Variants in USP47 observed in about 807,000 individuals in gnomAD.
USP47 encodes the protein ubiquitin carboxyl-terminal hydrolase 47.
In USP47, 35 loss-of-function variants were observed where a neutral mutation model predicts 165.1. The observed-to-expected ratio is 0.21, with a 90% confidence interval of 0.16 to 0.28. The LOEUF is 0.28. Among genes scored for constraint, USP47 ranks in the 10% least tolerant of loss-of-function variants. The pLI, the probability that USP47 is intolerant of heterozygous loss-of-function variation, is 1.00. For synonymous variants in USP47, 531 were observed against 544.5 expected, an observed-to-expected ratio of 0.98 and a Z score of 0.35; for missense variants, 1,277 against 1,607.4, an observed-to-expected ratio of 0.79 and a Z score of 3.52.
intron 2 of USP47, among the ~76,000 whole-genome samples, chr11:11,882,106 G>A (rs1252237979): frequency 6.6e-6 from 1 of 152,118 alleles, no homozygotes; most frequent in African/African-American, 2.4e-5. Flanking sequence ...TAAAGTTGTA[G>A]CACTTATGTC....
Position 11,902,952 on chromosome 11 carries a change from T to A in USP47, c.739+92T>A, listed in dbSNP as rs949135430. 5.3e-6 allele frequency: 7 copies of A among 1,319,866 alleles called. No homozygotes were observed. The Admixed American group carries it at 1.9e-4, about 35-fold the overall frequency. 81.8% of individuals were successfully genotyped at this position (1,319,866 alleles called of 1,614,324 possible). On this transcript the variant is annotated intron_variant, in intron 6 of 27. Coordinates refer to ENST00000527733, the MANE Select transcript of USP47 (RefSeq NM_001282659.2). The stretch of plus-strand genomic sequence containing the variant: ...CAAACACATTACACATAATTACCTT[T>A]ATCTTAAACCTTTCATTGCAAGTTT...
intron 1 of USP47, among the ~76,000 whole-genome samples, chr11:11,879,408 A>G (rs1156568534): frequency 6.6e-6 from 1 of 152,100 alleles, no homozygotes; most frequent in Non-Finnish European, 1.5e-5. Context: ...CCAATAAAGT[A>G]TCTTTGATGT....
At chr11:11,954,825 G>A (rs1031986248) in intron 25 of USP47, 72 bp from the exon 26 acceptor site, 2 of 1,538,506 alleles carry the variant, frequency 1.3e-6, no homozygotes, top group Admixed American at 1.8e-5. Context: ...TGTTTGTGGG[G>A]TAAAAGGAAA....
intron 1 of USP47, among the ~76,000 whole-genome samples, chr11:11,877,833 G>C (rs1428043063): frequency 3.5e-5 from 3 of 84,608 alleles, no homozygotes; most frequent in African/African-American, 9.0e-5. Flanking sequence ...GTGTGTGTGT[G>C]TGTGTGTGTG....
chr11:11,866,513 G>A (rs1273681586), intron 1 of USP47, among the ~76,000 whole-genome samples: 2 of 152,168 alleles, frequency 1.3e-5, no homozygotes, highest in Non-Finnish European at 2.9e-5. Context: ...TGATGAACAT[G>A]ATTATGGTAC....
intron 14 of USP47, 21 bp from the exon 15 acceptor site, chr11:11,932,983 T>C (rs1465697393): frequency 4.4e-6 from 7 of 1,592,010 alleles, no homozygotes; most frequent in South Asian, 1.1e-5. Context: ...CACTGTCTTA[T>C]CCTGTTTTTA....
Position 11,883,459 on chromosome 11 carries a change from A to G in USP47, c.244-1008A>G, listed in dbSNP as rs79960685. On this transcript the variant is annotated intron_variant, in intron 2 of 27. Coordinates refer to ENST00000527733, the MANE Select transcript of USP47 (RefSeq NM_001282659.2). ...GAAATAACTTTCCAAAGTCACACAG[A>G]TAGTAAGTAGCAGAATCTCTTACAG... Among the ~76,000 whole-genome samples, 305 of 152,326 alleles carry G rather than the reference A, an allele frequency of 2.0e-3. 2 individuals are homozygous for G. The highest frequency in any genetic ancestry group is 7.0e-3 in the African/African-American group (292 of 41,578).
intron 16 of USP47, among the ~76,000 whole-genome samples, chr11:11,936,090 G>A (rs1362103251): frequency 1.3e-5 from 2 of 151,600 alleles, no homozygotes; most frequent in African/African-American, 4.8e-5. Context: ...TTATATGATT[G>A]GAGGGATAAT....
chr11:11,907,358 G>A (rs997838659), intron 8 of USP47, among the ~76,000 whole-genome samples: 2 of 152,124 alleles, frequency 1.3e-5, no homozygotes, highest in African/African-American at 4.8e-5. Context: ...TAGGGCTTGC[G>A]GAAGAGAACT....
intron 2 of USP47, 81 bp downstream of exon 2, chr11:11,880,461 G>T (rs1850755766): frequency 9.0e-7 from 1 of 1,115,180 alleles, no homozygotes. Flanking sequence ...TTAAATCCTG[G>T]AACTCTTAAA....
chr11:11,919,977 C>A (rs1479159410), intron 8 of USP47, among the ~76,000 whole-genome samples, 179 bp from the exon 9 acceptor site: 3 of 151,468 alleles, frequency 2.0e-5, no homozygotes, highest in Non-Finnish European at 4.4e-5. Context: ...ATTTTTTTTG[C>A]TTAATTTTTA....
intron 1 of USP47, among the ~76,000 whole-genome samples, chr11:11,850,992 A>G (rs534828169): frequency 2.6e-5 from 4 of 152,348 alleles, no homozygotes. Context: ...GTCACCATCC[A>G]AAGATCCCAC....
chr11:11,930,568 G>A, intron 13 of USP47, 128 bp from the exon 14 acceptor site: 1 of 724,090 alleles, frequency 1.4e-6, no homozygotes, highest in Non-Finnish European at 2.3e-6. Flanking sequence ...ATCTCAGTGT[G>A]TCTGTGAACA....
At position 11,929,499 on chromosome 11, in the gene USP47, T is replaced by C. The variant is rs190706361; in HGVS notation, c.1452T>C (p.Tyr484=). The change falls in exon 12 of 28, where the codon TAT becomes TAC. Residue 484 remains tyrosine (Y), a synonymous_variant. Transcript: ENST00000527733. ...CTGGGAGCGCTGCTGGTGGTCATTA[T>C]TATGCATGTATAAAGTCATTCAGTG... ...VHSGSAAGGH[Y]YACIKSFSDE... 1,942 of 1,613,438 alleles carry C rather than the reference T, an allele frequency of 1.2e-3. 3 individuals are homozygous for C. The highest frequency in any genetic ancestry group is 1.5e-3 in the Non-Finnish European group (1,726 of 1,179,468).
chr11:11,858,419 T>C (rs1397155170), intron 1 of USP47, among the ~76,000 whole-genome samples: 1 of 152,190 alleles, frequency 6.6e-6, no homozygotes, highest in African/African-American at 2.4e-5. Flanking sequence ...AAATTCATCC[T>C]TTTAAGGCAT....
intron 1 of USP47, among the ~76,000 whole-genome samples, chr11:11,846,192 G>A (rs1848416841): frequency 6.6e-6 from 1 of 152,042 alleles, no homozygotes; most frequent in Non-Finnish European, 1.5e-5. Flanking sequence ...CTGCTTTGAG[G>A]TCTCTTTTAA....
intron 11 of USP47, 21 bp from the exon 12 acceptor site, chr11:11,929,413 A>C (rs1854490607): frequency 6.2e-7 from 1 of 1,609,026 alleles, no homozygotes; most frequent in Non-Finnish European, 8.5e-7. Flanking sequence ...CCTCTGAGTT[A>C]CTTTTATTTT....
intron 8 of USP47, among the ~76,000 whole-genome samples, chr11:11,909,667 G>A (rs1360742927): frequency 1.3e-5 from 2 of 151,998 alleles, no homozygotes; most frequent in Non-Finnish European, 2.9e-5. Flanking sequence ...TTATTCTATT[G>A]TTCATTACGT....
chr11:11,847,806 A>G (rs1270963959), intron 1 of USP47, among the ~76,000 whole-genome samples: 1 of 152,218 alleles, frequency 6.6e-6, no homozygotes, highest in Non-Finnish European at 1.5e-5. Context: ...TTTCTAAAAC[A>G]GATGAGATTA....
Sources: allele counts gnomAD v4.1 joint callset (sites outside exome capture counted in the v4.1 genomes callset), GRCh38; gene constraint gnomAD v4.1.1; transcripts MANE v1.5; gene names NCBI Gene and HGNC (gene_info 2026-07-23, HGNC 2026-07-21).